The following BMPR1B variants were observed in gnomAD, a reference collection of about 807,000 sequenced individuals.
BMPR1B encodes bone morphogenetic protein receptor type 1B.
Under a neutral mutation model 59.1 loss-of-function variants are expected in BMPR1B, and 12 were observed. That is an observed-to-expected ratio of 0.20 (90% CI 0.13 to 0.33). The LOEUF is 0.33. BMPR1B is among the 10% of genes least tolerant of loss of function. The pLI, the probability that BMPR1B is intolerant of heterozygous loss-of-function variation, is 1.00. For missense variants in BMPR1B, 550 were observed against 610.9 expected, an observed-to-expected ratio of 0.90 and a Z score of 1.05; for synonymous variants, 237 against 207.3, an observed-to-expected ratio of 1.14 and a Z score of -1.23.
At chr4:95,008,807 T>A (rs1172818752) in intron 3 of BMPR1B, among the ~76,000 whole-genome samples, 1 of 152,010 alleles carries the variant, frequency 6.6e-6, no homozygotes, top group Admixed American at 6.6e-5. Context: ...AATATAAAAA[T>A]AGGAATTTCA....
At position 94,781,433 on chromosome 4, in the gene BMPR1B, G is replaced by A. The variant is rs988455277; in HGVS notation, c.-183+23365G>A. ...TAATTTTTTATTTTTATTTTTTTGA[G>A]ACGAAGTCTTGCTCTGTCACCCAGG... On this transcript the variant is annotated intron_variant, in intron 1 of 12. Transcript: ENST00000515059. Among the ~76,000 whole-genome samples the A allele has an allele frequency of 2.6e-5, 4 of 151,588 alleles. No homozygotes were observed. In the South Asian group the frequency reaches 8.3e-4, roughly 32 times the overall value.
intron 2 of BMPR1B, among the ~76,000 whole-genome samples, chr4:94,968,572 A>C (rs57724832): frequency 6.6e-6 from 1 of 152,160 alleles, no homozygotes; most frequent in Non-Finnish European, 1.5e-5. Flanking sequence ...CAGCAAACCC[A>C]AAGTGAGTTT....
At chr4:95,071,624 ATGTGTGTTTG>A (rs1173114399) in intron 3 of BMPR1B, among the ~76,000 whole-genome samples, 173 of 124,134 alleles carry the variant, frequency 1.4e-3, no homozygotes, top group Middle Eastern at 8.4e-3. Flanking sequence ...ATGAATATAT[ATGTGTGTTTG>A]TGTGTGTGTG....
chr4:94,834,556 A>G (rs1046671537), intron 1 of BMPR1B, among the ~76,000 whole-genome samples: 20 of 152,032 alleles, frequency 1.3e-4, no homozygotes, highest in Admixed American at 2.0e-4. Flanking sequence ...AGCCTTCTCT[A>G]CAACTTTGAC....
chr4:94,927,948 A>T (rs1369686726), intron 2 of BMPR1B, among the ~76,000 whole-genome samples: 2 of 152,058 alleles, frequency 1.3e-5, no homozygotes, highest in Non-Finnish European at 2.9e-5. Context: ...GATATGGAGG[A>T]TGATAACACC....
intron 3 of BMPR1B, among the ~76,000 whole-genome samples, chr4:95,014,943 G>T (rs1162543166): frequency 1.3e-5 from 2 of 152,196 alleles, no homozygotes. Context: ...GTCCCAGAGG[G>T]TTCTGTGATG....
intron 2 of BMPR1B, among the ~76,000 whole-genome samples, chr4:94,921,932 A>T (rs1414972278): frequency 4.0e-5 from 6 of 151,604 alleles, no homozygotes; most frequent in African/African-American, 1.5e-4. Flanking sequence ...TGGATTAGCA[A>T]TTTTTCTGAA....
intron 1 of BMPR1B, among the ~76,000 whole-genome samples, chr4:94,867,987 A>G (rs1726313105): frequency 6.7e-6 from 1 of 150,210 alleles, no homozygotes; most frequent in South Asian, 2.1e-4. Flanking sequence ...ATGGGACTAT[A>G]GGCATGTGCC....
chr4:94,854,416 AG>A lies in BMPR1B; in HGVS notation c.-182-21414del, dbSNP rs1578723569. 2.0e-5 allele frequency among the ~76,000 whole-genome samples: 3 copies of A among 152,300 alleles called. No individual in the cohort carries two copies. The East Asian group carries it at 5.8e-4, about 29-fold the overall frequency. On this transcript the variant is annotated intron_variant, in intron 1 of 12. Coordinates refer to ENST00000515059, the MANE Select transcript of BMPR1B (RefSeq NM_001203.3). The stretch of plus-strand genomic sequence containing the variant: ...CATATTTACAAATGAAGGCTGAAAA[AG>A]TTTTGTTGTATCAGTGACTCAGAAA...
intron 3 of BMPR1B, among the ~76,000 whole-genome samples, chr4:95,036,197 G>T (rs978901202): frequency 6.6e-6 from 1 of 151,944 alleles, no homozygotes; most frequent in African/African-American, 2.4e-5. Flanking sequence ...GGCAAATGGG[G>T]TATCCATCAC....
chr4:94,914,500 G>A (rs1018250917), intron 2 of BMPR1B, among the ~76,000 whole-genome samples: 8 of 152,232 alleles, frequency 5.3e-5, no homozygotes, highest in Non-Finnish European at 7.4e-5. Context: ...CAGAGGGCCA[G>A]TAATAAGCTG....
chr4:94,788,063 A>G lies in BMPR1B; in HGVS notation c.-183+29995A>G, dbSNP rs115313388. Among the ~76,000 whole-genome samples the G allele has an allele frequency of 6.1e-3, 930 of 152,202 alleles. 5 individuals carry two copies. The highest frequency in any genetic ancestry group is 0.021 in the African/African-American group (870 of 41,518). ...CTGAAAATCAAAGGGTGGAAGTTGGATTTACCTTCTGCCATCAGTTACAGT... is the reference window on the plus strand; with the variant it reads ...CTGAAAATCAAAGGGTGGAAGTTGGGTTTACCTTCTGCCATCAGTTACAGT... On this transcript the variant is annotated intron_variant, in intron 1 of 12. Transcript: ENST00000515059.
chr4:94,962,855 T>A (rs1019995544), intron 2 of BMPR1B, among the ~76,000 whole-genome samples: 1 of 152,202 alleles, frequency 6.6e-6, no homozygotes, highest in African/African-American at 2.4e-5. Flanking sequence ...GATTGCTGGA[T>A]CTTGTGGTAG....
intron 3 of BMPR1B, among the ~76,000 whole-genome samples, chr4:95,085,353 C>T (rs901853509): frequency 6.6e-5 from 10 of 152,018 alleles, no homozygotes; most frequent in Non-Finnish European, 1.2e-4. Flanking sequence ...CTTGTGAAGT[C>T]GAGAGAGGCA....
chr4:94,960,225 C>G (rs1016767452), intron 2 of BMPR1B, among the ~76,000 whole-genome samples: 14 of 152,092 alleles, frequency 9.2e-5, no homozygotes, highest in Non-Finnish European at 1.6e-4. Context: ...ATCTGTATAA[C>G]CAGTGCTCTG....
intron 10 of BMPR1B, among the ~76,000 whole-genome samples, chr4:95,145,199 C>T (rs1248571309): frequency 6.6e-6 from 1 of 152,168 alleles, no homozygotes; most frequent in East Asian, 1.9e-4. Flanking sequence ...TGCTATCCTT[C>T]CCAGAAGTAA....
chr4:95,148,980 T>C, intron 11 of BMPR1B, 57 bp downstream of exon 11: 1 of 1,596,144 alleles, frequency 6.3e-7, no homozygotes, highest in East Asian at 2.2e-5. Flanking sequence ...AAATCCTTTC[T>C]TTCTGATCAG....
At chr4:94,760,966 A>G (rs1040105115) in intron 1 of BMPR1B, among the ~76,000 whole-genome samples, 1 of 152,212 alleles carries the variant, frequency 6.6e-6, no homozygotes, top group African/African-American at 2.4e-5. Context: ...CACATTAATA[A>G]TATTAAAGAT....
chr4:94,854,575 A>T (rs1725686887), intron 1 of BMPR1B, among the ~76,000 whole-genome samples: 1 of 152,198 alleles, frequency 6.6e-6, no homozygotes, highest in Non-Finnish European at 1.5e-5. Context: ...TTTGATAAAT[A>T]CTATGCATTT....
Sources: gnomAD v4.1 joint callset for allele counts (sites outside exome capture counted in the v4.1 genomes callset) on GRCh38, gnomAD v4.1.1 for gene constraint, MANE v1.5 for transcripts, NCBI Gene and HGNC (gene_info 2026-07-23, HGNC 2026-07-21) for gene names.